Variants in CNTNAP2 observed in about 807,000 individuals in gnomAD.
The protein encoded by CNTNAP2 is contactin associated protein 2, also known as contactin-associated protein-like 2.
In CNTNAP2, 98 loss-of-function variants were observed where a neutral mutation model predicts 155.2. The ratio of observed to expected loss-of-function variants is 0.63; its 90% CI spans 0.54 to 0.75. CNTNAP2 has a LOEUF of 0.75. CNTNAP2 is among the 30% of genes least tolerant of loss of function. CNTNAP2 has a pLI of 0.00. For synonymous variants in CNTNAP2, 651 were observed against 631.2 expected (o/e 1.03, Z -0.47); for missense variants, 1,727 against 1,688.1 (o/e 1.02, Z -0.40).
At chr7:147,225,439 A>G (rs1253525909) in intron 8 of CNTNAP2, among the ~76,000 whole-genome samples, 1 of 152,160 alleles carries the variant, frequency 6.6e-6, no homozygotes, top group Non-Finnish European at 1.5e-5. Context: ...CTTTCGGTGT[A>G]GGGATAAATG....
chr7:147,310,896 A>C (rs925102798), intron 9 of CNTNAP2, among the ~76,000 whole-genome samples: 1 of 152,204 alleles, frequency 6.6e-6, no homozygotes, highest in South Asian at 2.1e-4. Context: ...AGCAAAAAGC[A>C]GGGTTGGGTC....
intron 16 of CNTNAP2, among the ~76,000 whole-genome samples, chr7:148,138,930 T>C (rs1458616593): frequency 6.6e-6 from 1 of 152,238 alleles, no homozygotes; most frequent in Non-Finnish European, 1.5e-5. Flanking sequence ...GGTGGTTAAA[T>C]GCATAGAAAA....
intron 20 of CNTNAP2, among the ~76,000 whole-genome samples, chr7:148,257,677 T>G (rs1024664574): frequency 3.3e-5 from 5 of 152,134 alleles, no homozygotes; most frequent in African/African-American, 1.2e-4. Flanking sequence ...CAAGTTGCAC[T>G]GAAATCAAGA....
intron 2 of CNTNAP2, among the ~76,000 whole-genome samples, chr7:146,799,583 T>C (rs1802837531): frequency 6.6e-6 from 1 of 152,182 alleles, no homozygotes; most frequent in Non-Finnish European, 1.5e-5. Context: ...AGCGCTAAGA[T>C]TGGTCATTTT....
chr7:146,890,815 C>CTA (rs1294151098), intron 3 of CNTNAP2, among the ~76,000 whole-genome samples: 2 of 152,110 alleles, frequency 1.3e-5, no homozygotes, highest in African/African-American at 2.4e-5. Context: ...GCCTGTGTAA[C>CTA]TATGATCATA....
chr7:147,133,815 A>G (rs1801425774), intron 8 of CNTNAP2, among the ~76,000 whole-genome samples: 1 of 152,116 alleles, frequency 6.6e-6, no homozygotes, highest in African/African-American at 2.4e-5. Context: ...TATTGAAATC[A>G]AAGGTATTGG....
chr7:147,407,898 G>A (rs1183122293), intron 10 of CNTNAP2, among the ~76,000 whole-genome samples: 1 of 152,192 alleles, frequency 6.6e-6, no homozygotes, highest in African/African-American at 2.4e-5. Flanking sequence ...CAAAATCAGA[G>A]GCATGAGCAG....
intron 8 of CNTNAP2, among the ~76,000 whole-genome samples, chr7:147,175,137 T>C (rs1802312258): frequency 6.6e-6 from 1 of 152,128 alleles, no homozygotes; most frequent in African/African-American, 2.4e-5. Flanking sequence ...TCATTAGCCA[T>C]TTACAGAAAA....
intron 1 of CNTNAP2, among the ~76,000 whole-genome samples, chr7:146,602,655 T>C (rs1220382658): frequency 1.3e-5 from 2 of 152,152 alleles, no homozygotes; most frequent in Non-Finnish European, 2.9e-5. Context: ...TAAAATTAAA[T>C]TTTTTACTGA....
intron 3 of CNTNAP2, among the ~76,000 whole-genome samples, chr7:146,937,860 T>G (rs10267864): frequency 6.6e-6 from 1 of 151,948 alleles, no homozygotes; most frequent in Non-Finnish European, 1.5e-5. Context: ...GTCAGTGTTC[T>G]GATGGTAGAA....
intron 2 of CNTNAP2, among the ~76,000 whole-genome samples, chr7:146,810,624 C>CTGTTTT (rs1013897073): frequency 3.0e-5 from 4 of 135,132 alleles, no homozygotes; most frequent in Non-Finnish European, 5.9e-5. Flanking sequence ...TGCTTTCTAT[C>CTGTTTT]TGTTTTTTTT....
intron 14 of CNTNAP2, among the ~76,000 whole-genome samples, chr7:147,947,375 T>C (rs929976879): frequency 6.8e-6 from 1 of 146,456 alleles, no homozygotes; most frequent in Non-Finnish European, 1.5e-5. Context: ...CCCAGCACTT[T>C]GGGAGGCTGA....
intron 1 of CNTNAP2, among the ~76,000 whole-genome samples, chr7:146,250,290 C>G (rs1799735722): frequency 6.6e-6 from 1 of 152,134 alleles, no homozygotes; most frequent in African/African-American, 2.4e-5. Flanking sequence ...TATGAAATTA[C>G]TAATACTGAA....
intron 9 of CNTNAP2, among the ~76,000 whole-genome samples, chr7:147,320,605 C>T (rs1010128563): frequency 6.6e-6 from 1 of 152,144 alleles, no homozygotes; most frequent in African/African-American, 2.4e-5. Flanking sequence ...GGTTTCATTT[C>T]TTGTGGTAGA....
At position 146,411,847 on chromosome 7, in the gene CNTNAP2, T is replaced by TTTA. The variant is rs1395923858; in HGVS notation, c.97+294876_97+294877insATT. ...ATTTACTTATTTATTTATTTATTTATTTTATTTGAGATAGAGTCTCTCTCT... is the reference window on the plus strand; with the variant it reads ...ATTTACTTATTTATTTATTTATTTATTTATTTATTTGAGATAGAGTCTCTCTCT... On this transcript the variant is annotated intron_variant, in intron 1 of 23. Coordinates refer to ENST00000361727, the MANE Select transcript of CNTNAP2 (RefSeq NM_014141.6). 3.2e-3 allele frequency among the ~76,000 whole-genome samples: 190 copies of TTTA among 59,782 alleles called. 1 individual carries two copies. Among genetic ancestry groups the TTTA allele is most frequent in the African/African-American group, 0.021 (181 of 8,494 alleles). The allele number at this position is 59,782 out of a possible 152,430, so 39.2% of individuals were successfully genotyped here.
At chr7:147,559,865 TAA>T (rs57030720) in intron 11 of CNTNAP2, among the ~76,000 whole-genome samples, 42,191 of 140,402 alleles carry the variant, frequency 0.3, 6,093 homozygotes, top group Non-Finnish European at 0.31. Context: ...TTGCCGATCT[TAA>T]AAAAAAAAAA....
intron 10 of CNTNAP2, among the ~76,000 whole-genome samples, chr7:147,441,127 A>G (rs1012525748): frequency 1.1e-4 from 16 of 151,976 alleles, no homozygotes; most frequent in African/African-American, 3.4e-4. Flanking sequence ...GCTACTTTCT[A>G]GATTCTATAT....
Position 148,118,110 on chromosome 7 carries a change from T to A in CNTNAP2, c.2384-8T>A. 1 of 1,613,990 alleles carries A rather than the reference T, an allele frequency of 6.2e-7. No homozygotes were observed. Among genetic ancestry groups the A allele is most frequent in the Non-Finnish European group, 8.5e-7 (1 of 1,180,006 alleles). ...AGTTAACCTGATTTTTTTGTTTTCT[T>A]CCCACAGGGAATTATTGGAATGCCG... On this transcript the variant is annotated splice_polypyrimidine_tract_variant and splice_region_variant and intron_variant, in intron 15 of 23. Transcript: ENST00000361727.
chr7:147,088,036 T>C (rs1205205762), intron 4 of CNTNAP2, among the ~76,000 whole-genome samples: 2 of 152,168 alleles, frequency 1.3e-5, no homozygotes, highest in Non-Finnish European at 2.9e-5. Context: ...TTGCCTGTAG[T>C]GCAACAGAAC....
Sources: allele counts gnomAD v4.1 joint callset (sites outside exome capture counted in the v4.1 genomes callset), GRCh38; gene constraint gnomAD v4.1.1; transcripts MANE v1.5; gene names NCBI Gene and HGNC (gene_info 2026-07-23, HGNC 2026-07-21).